Variants in CYP4F3 observed in about 807,000 individuals in gnomAD.
CYP4F3 encodes cytochrome P450 4F3.
In CYP4F3, 50 loss-of-function variants were observed where a neutral mutation model predicts 54.8. That is an observed-to-expected ratio of 0.91 (90% CI 0.73 to 1.16). The LOEUF (loss-of-function observed/expected upper bound fraction) is 1.16. Among genes scored for constraint, CYP4F3 ranks in the 50% most tolerant of loss-of-function variants. The pLI is 0.00. For synonymous variants in CYP4F3, 244 were observed against 262.6 expected, an observed-to-expected ratio of 0.93 and a Z score of 0.69; for missense variants, 715 against 676.2, an observed-to-expected ratio of 1.06 and a Z score of -0.64.
chr19:15,649,724 G>A (rs539836154), intron 6 of CYP4F3, among the ~76,000 whole-genome samples, 189 bp from the exon 7 acceptor site: 1 of 152,226 alleles, frequency 6.6e-6, no homozygotes, highest in African/African-American at 2.4e-5. Context: ...CACAGAGATG[G>A]GATGCAGGGA....
intron 7 of CYP4F3, chr19:15,650,400 T>C (rs746096731): frequency 2.7e-5 from 24 of 903,264 alleles, no homozygotes; most frequent in Non-Finnish European, 3.8e-5. Context: ...TGAGATTTAC[T>C]CTATTTATAA....
chr19:15,642,781 G>T (rs184675909), intron 2 of CYP4F3, among the ~76,000 whole-genome samples: 1 of 151,250 alleles, frequency 6.6e-6, no homozygotes, highest in Admixed American at 6.6e-5. Context: ...CACAGATAGG[G>T]TGAATAGATG....
At chr19:15,644,094 G>A in intron 2 of CYP4F3, 1 of 1,484,358 alleles carries the variant, frequency 6.7e-7, no homozygotes, top group Non-Finnish European at 8.9e-7. Context: ...TGGTGCATTT[G>A]AGGCCTGCAA....
Position 15,646,991 on chromosome 19 carries a change from C to CA in CYP4F3, c.344-60dup, listed in dbSNP as rs201373409. 5.2e-3 allele frequency: 8,395 copies of CA among 1,604,856 alleles called. 382 individuals carry two copies. The African/African-American group carries it at 0.097, about 18-fold the overall frequency. ...AAACCTCTTGCTGGGAGCCTCCCCC[C>CA]ACCCCCAAAGTTCCTCCTTCACCTG... On this transcript the variant is annotated intron_variant, in intron 3 of 12. Coordinates refer to ENST00000221307, the MANE Select transcript of CYP4F3 (RefSeq NM_000896.3).
In CYP4F3 at chr19:15,650,850, CTTT is replaced by C. The variant is rs1972825973; in HGVS notation, c.918+668_918+670del. 2.7e-5 allele frequency among the ~76,000 whole-genome samples: 2 copies of C among 74,502 alleles called. 1 individual carries two copies. Among genetic ancestry groups the C allele is most frequent in the African/African-American group, 1.3e-4 (2 of 15,344 alleles). The allele number at this position is 74,502 out of a possible 152,430, so 48.9% of individuals were successfully genotyped here. ...TCTTTCTTTCTTTCTTTCTTTCTTT[CTTT>C]CTTTCTTTCTTTCTTTTTCTCTCTC... On this transcript the variant is annotated intron_variant, in intron 7 of 12. Coordinates refer to ENST00000221307, the MANE Select transcript of CYP4F3 (RefSeq NM_000896.3).
Position 15,647,030 on chromosome 19 carries a change from T to C in CYP4F3, c.344-22T>C, listed in dbSNP as rs766437387. 4.4e-5 allele frequency: 71 copies of C among 1,613,756 alleles called. 2 individuals are homozygous for C. The South Asian group carries it at 7.2e-4, about 16-fold the overall frequency. On this transcript the variant is annotated intron_variant, in intron 3 of 12. Transcript: ENST00000221307. ...CTCCTTCACCTGCCTCCATGGCCCC[T>C]GATTGTCCTCATTTATGTCAGCTGC...
Position 15,649,295 on chromosome 19 carries a change from C to T in CYP4F3, c.647+14C>T, listed in dbSNP as rs766280516. On this transcript the variant is annotated intron_variant, in intron 6 of 12. Transcript: ENST00000221307. Reference sequence around the variant, plus strand: ...CCATTGCCAGGAGTAAGTTCTTGCCCAGGGTCTGGGATCCTGGGCCGTGGA... The same window carrying T: ...CCATTGCCAGGAGTAAGTTCTTGCCTAGGGTCTGGGATCCTGGGCCGTGGA... The T allele has an allele frequency of 6.2e-7, 1 of 1,612,336 alleles. No homozygotes were observed. The highest frequency in any genetic ancestry group is 8.5e-7 in the Non-Finnish European group (1 of 1,178,896).
chr19:15,650,722 T>TTCTTTCTTTCTCTCTTTCTTTC lies in CYP4F3; in HGVS notation c.918+550_918+551insCTCTTTCTTTCTCTTTCTTTCT, dbSNP rs1568397936. Among the ~76,000 whole-genome samples, 8 of 46,740 alleles carry TTCTTTCTTTCTCTCTTTCTTTC rather than the reference T, an allele frequency of 1.7e-4. 3 individuals carry two copies. The highest frequency in any genetic ancestry group is 5.0e-4 in the Admixed American group (2 of 4,012). The allele number at this position is 46,740 out of a possible 152,430, so 30.7% of individuals were successfully genotyped here. ...TTTCTTTCTTTCTTTCTTTCTTTCT[T>TTCTTTCTTTCTCTCTTTCTTTC]TCTTTCTTTCTTTCTTTTCCTTCCT... On this transcript the variant is annotated intron_variant, in intron 7 of 12. Coordinates refer to ENST00000221307, the MANE Select transcript of CYP4F3 (RefSeq NM_000896.3).
At chr19:15,655,444 A>G (rs753956000) in intron 9 of CYP4F3, among the ~76,000 whole-genome samples, 3 of 152,184 alleles carry the variant, frequency 2.0e-5, no homozygotes, top group Admixed American at 6.5e-5. Flanking sequence ...GCCCAGACCC[A>G]TGTCCCGGAG....
chr19:15,658,342 C>T lies in CYP4F3; in HGVS notation c.1194C>T (p.Val398=). ...SLRLHPPVPA[V]SRCCTQDIVL... is the part of the protein sequence containing the mutation. The stretch of plus-strand genomic sequence containing the variant: ...GGCTGCATCCCCCAGTCCCTGCCGT[C>T]TCTCGCTGCTGCACCCAAGACATTG... The change falls in exon 10 of 13, where the codon GTC becomes GTT. Residue 398 remains valine (V), a synonymous_variant. Transcript: ENST00000221307. The T allele has an allele frequency of 6.2e-7, 1 of 1,614,196 alleles. No individual in the cohort carries two copies. The highest frequency in any genetic ancestry group is 8.5e-7 in the Non-Finnish European group (1 of 1,180,040).
chr19:15,649,778 C>A, intron 6 of CYP4F3, 135 bp from the exon 7 acceptor site: 11 of 1,265,144 alleles, frequency 8.7e-6, no homozygotes, highest in East Asian at 2.3e-5. Flanking sequence ...TGATCCCCAT[C>A]CTGCATCTGA....
chr19:15,649,063 G>T (rs2097492618), intron 5 of CYP4F3, 97 bp from the exon 6 acceptor site: 1 of 1,542,274 alleles, frequency 6.5e-7, no homozygotes, highest in African/African-American at 1.4e-5. Context: ...AGAAGATGAA[G>T]AGGCTTATTC....
chr19:15,648,331 A>G (rs757469846), intron 5 of CYP4F3, among the ~76,000 whole-genome samples: 1 of 151,860 alleles, frequency 6.6e-6, no homozygotes, highest in Non-Finnish European at 1.5e-5. Context: ...GCTTCTATAA[A>G]TGCCTGCTGA....
chr19:15,649,082 G>C, intron 5 of CYP4F3, 78 bp from the exon 6 acceptor site: 14 of 1,590,168 alleles, frequency 8.8e-6, no homozygotes, highest in Non-Finnish European at 1.1e-5. Context: ...TCTGGGGCGT[G>C]CATATTGATT....
intron 12 of CYP4F3, 140 bp downstream of exon 12, chr19:15,658,949 A>T: frequency 7.8e-7 from 1 of 1,285,832 alleles, no homozygotes; most frequent in Non-Finnish European, 1.1e-6. Flanking sequence ...TTATGGGAAA[A>T]GGCCCACAGA....
chr19:15,656,018 T>G (rs1413931196), intron 9 of CYP4F3, among the ~76,000 whole-genome samples: 1 of 152,216 alleles, frequency 6.6e-6, no homozygotes, highest in Non-Finnish European at 1.5e-5. Flanking sequence ...CAAAAACTTA[T>G]TCCTGTTGTC....
chr19:15,641,495 C>T lies in CYP4F3; in HGVS notation c.80C>T (p.Ala27Val), dbSNP rs766224083. The T allele has an allele frequency of 1.2e-6, 2 of 1,614,204 alleles. No individual in the cohort carries two copies. The highest frequency in any genetic ancestry group is 1.7e-6 in the Non-Finnish European group (2 of 1,180,038). Reference protein sequence around the residue: ...SPWLLLLLVGASWLLARILAW... With the variant: ...SPWLLLLLVGVSWLLARILAW... ...TGGCTGCTCCTGCTGCTGGTTGGGG[C>T]CTCCTGGCTCCTGGCCCGCATCCTG... Residue 27 changes from alanine (A) to valine (V), a missense_variant, in exon 2 of 13, where the codon GCC becomes GTC. Physicochemically the swap from Ala to Val is moderately conservative, Grantham distance 64. Transcript: ENST00000221307.
At position 15,659,467 on chromosome 19, in the gene CYP4F3, G is replaced by A. The variant is rs547587988; in HGVS notation, c.*82G>A. 1.9e-4 allele frequency: 297 copies of A among 1,534,324 alleles called. 1 individual carries two copies. In the South Asian group the frequency reaches 3.6e-3, roughly 18 times the overall value. On this transcript the variant is annotated 3_prime_UTR_variant, in exon 13 of 13. Transcript: ENST00000221307. ...AGGCCTAGAATTACCCTAAGACCCT[G>A]TTCCACAGTCCTGTATTCCATCCTA...
chr19:15,661,542 C>T lies in CYP4F3; in HGVS notation c.*2157C>T, dbSNP rs145712106. On this transcript the variant is annotated 3_prime_UTR_variant, in exon 13 of 13. Coordinates refer to ENST00000221307, the MANE Select transcript of CYP4F3 (RefSeq NM_000896.3). The stretch of plus-strand genomic sequence containing the variant: ...CTCGTGCCTTCCTGTGCCTATTTGA[C>T]ACTCCTATATTTTCTTTGGTGAAGT... The T allele has an allele frequency of 6.6e-6, 1 of 152,294 alleles. No homozygotes were observed. The highest frequency in any genetic ancestry group is 2.4e-5 in the African/African-American group (1 of 41,570). The allele number at this position is 152,294 out of a possible 1,614,324, so 9.4% of individuals were successfully genotyped here.
Sources: gnomAD v4.1 joint callset for allele counts (sites outside exome capture counted in the v4.1 genomes callset) on GRCh38, gnomAD v4.1.1 for gene constraint, MANE v1.5 for transcripts, NCBI Gene and HGNC (gene_info 2026-07-23, HGNC 2026-07-21) for gene names.